Variants in NAALADL2 observed in about 807,000 individuals in gnomAD.
NAALADL2 encodes the protein inactive N-acetylated-alpha-linked acidic dipeptidase-like protein 2.
Under a neutral mutation model 87.2 loss-of-function variants are expected in NAALADL2, and 76 were observed. The ratio of observed to expected loss-of-function variants is 0.87; its 90% CI spans 0.72 to 1.05. NAALADL2 has a LOEUF of 1.05. NAALADL2 is among the 50% of genes least tolerant of loss of function. The pLI is 0.00. For missense variants in NAALADL2, 1,089 were observed against 945.8 expected (o/e 1.15, Z -1.99); for synonymous variants, 354 against 331.0 (o/e 1.07, Z -0.75).
At chr3:174,626,349 C>G (rs1448430106) in intron 2 of NAALADL2, among the ~76,000 whole-genome samples, 1 of 151,918 alleles carries the variant, frequency 6.6e-6, no homozygotes, top group African/African-American at 2.4e-5. Flanking sequence ...GGAATAGGAA[C>G]AATTATTCCT....
chr3:175,704,163 G>A (rs1004038061), intron 11 of NAALADL2, among the ~76,000 whole-genome samples: 2 of 152,110 alleles, frequency 1.3e-5, no homozygotes, highest in South Asian at 4.1e-4. Flanking sequence ...TATGAAAATA[G>A]CTAATATATG....
intron 1 of NAALADL2, among the ~76,000 whole-genome samples, chr3:175,069,895 A>C (rs948358500): frequency 1.3e-5 from 2 of 149,374 alleles, no homozygotes; most frequent in Non-Finnish European, 3.0e-5. Context: ...CATCATTCTC[A>C]GTAAACTATC....
chr3:174,721,801 C>T (rs1731737220), intron 2 of NAALADL2, among the ~76,000 whole-genome samples: 2 of 152,106 alleles, frequency 1.3e-5, no homozygotes, highest in East Asian at 3.9e-4. Flanking sequence ...CTGGAGTGTG[C>T]AAGGGTGATT....
At chr3:174,798,740 TATA>T (rs1339941394) in intron 3 of NAALADL2, among the ~76,000 whole-genome samples, 4 of 152,214 alleles carry the variant, frequency 2.6e-5, no homozygotes, top group Non-Finnish European at 2.9e-5. Flanking sequence ...ATATTAGAAA[TATA>T]ATCAATTTTT....
At chr3:175,251,326 A>G (rs1369614476) in intron 3 of NAALADL2, among the ~76,000 whole-genome samples, 1 of 152,188 alleles carries the variant, frequency 6.6e-6, no homozygotes, top group African/African-American at 2.4e-5. Flanking sequence ...TAGAATCTGA[A>G]TTAAAAATTA....
intron 3 of NAALADL2, among the ~76,000 whole-genome samples, chr3:174,801,632 C>T (rs1181697234): frequency 1.3e-5 from 2 of 152,110 alleles, no homozygotes; most frequent in African/African-American, 4.8e-5. Flanking sequence ...CCATTTTATT[C>T]ATAGATGCCC....
intron 1 of NAALADL2, among the ~76,000 whole-genome samples, chr3:174,472,365 T>A (rs1026669572): frequency 2.0e-5 from 3 of 152,228 alleles, no homozygotes; most frequent in Non-Finnish European, 4.4e-5. Flanking sequence ...CAGCTAAGTT[T>A]ATGGCACTGC....
chr3:175,197,332 A>G (rs1739173055), intron 2 of NAALADL2, among the ~76,000 whole-genome samples: 1 of 152,010 alleles, frequency 6.6e-6, no homozygotes, highest in Non-Finnish European at 1.5e-5. Context: ...AGTTTTGTGT[A>G]TGTTTTATGG....
chr3:174,973,793 G>A (rs1744011919), intron 1 of NAALADL2, among the ~76,000 whole-genome samples: 1 of 152,118 alleles, frequency 6.6e-6, no homozygotes, highest in South Asian at 2.1e-4. Flanking sequence ...AACTATTTAT[G>A]TATCTAGACA....
intron 2 of NAALADL2, among the ~76,000 whole-genome samples, chr3:175,212,026 G>A (rs918472636): frequency 1.3e-5 from 2 of 151,924 alleles, no homozygotes; most frequent in African/African-American, 2.4e-5. Context: ...TCATTCAGAC[G>A]CACCTGTGGG....
chr3:175,698,347 G>A (rs544288235), intron 11 of NAALADL2, among the ~76,000 whole-genome samples: 17 of 78,298 alleles, frequency 2.2e-4, no homozygotes, highest in South Asian at 5.8e-4. Context: ...ATATGTATGT[G>A]TATTTATGTA....
intron 10 of NAALADL2, among the ~76,000 whole-genome samples, chr3:175,612,483 T>G (rs1342358836): frequency 1.3e-5 from 2 of 152,208 alleles, no homozygotes; most frequent in Admixed American, 6.5e-5. Context: ...CAAAGGACCT[T>G]GAAGGGCTAT....
chr3:174,821,969 C>T (rs371563421), intron 3 of NAALADL2, among the ~76,000 whole-genome samples: 12 of 151,894 alleles, frequency 7.9e-5, no homozygotes, highest in East Asian at 7.7e-4. Flanking sequence ...ATTGTGGAAA[C>T]GAAGTCGTTA....
At chr3:175,189,480 A>T (rs1737829822) in intron 2 of NAALADL2, among the ~76,000 whole-genome samples, 1 of 152,224 alleles carries the variant, frequency 6.6e-6, no homozygotes, top group Non-Finnish European at 1.5e-5. Flanking sequence ...TCTATATATA[A>T]TCATCAAACA....
chr3:175,258,304 C>T (rs13094930), intron 4 of NAALADL2, among the ~76,000 whole-genome samples: 42,024 of 137,830 alleles, frequency 0.3, 6,621 homozygotes, highest in South Asian at 0.49. Context: ...GGCGAGACTC[C>T]GTCCCTCCGC....
At chr3:174,711,053 C>T (rs1423307234) in intron 2 of NAALADL2, among the ~76,000 whole-genome samples, 1 of 152,174 alleles carries the variant, frequency 6.6e-6, no homozygotes, top group Non-Finnish European at 1.5e-5. Context: ...TATAAGAGTT[C>T]TGGCTCCTTT....
intron 1 of NAALADL2, among the ~76,000 whole-genome samples, chr3:175,048,090 T>A (rs913170531): frequency 1.6e-4 from 24 of 152,188 alleles, no homozygotes; most frequent in African/African-American, 5.8e-4. Flanking sequence ...TTAATTTCTG[T>A]AGCTTTTTGA....
intron 1 of NAALADL2, among the ~76,000 whole-genome samples, chr3:174,972,093 C>A (rs1479449309): frequency 1.3e-5 from 2 of 152,126 alleles, no homozygotes; most frequent in Non-Finnish European, 2.9e-5. Context: ...ACAGTCACCG[C>A]CCCTCCATAT....
At chr3:175,131,814 CG>C (rs1197987924) in intron 2 of NAALADL2, among the ~76,000 whole-genome samples, 3 of 134,044 alleles carry the variant, frequency 2.2e-5, no homozygotes, top group Admixed American at 7.2e-5. Context: ...CCTGGCCGGG[CG>C]GGGGGCTGAC....
Sources: allele counts gnomAD v4.1 joint callset (sites outside exome capture counted in the v4.1 genomes callset), GRCh38; gene constraint gnomAD v4.1.1; transcripts MANE v1.5; gene names NCBI Gene and HGNC (gene_info 2026-07-23, HGNC 2026-07-21).